MPP7: variants seen among roughly 807,000 people sequenced by gnomAD.
MPP7 encodes the protein MAGUK p55 subfamily member 7.
In MPP7, 60 loss-of-function variants were observed where a neutral mutation model predicts 76.5. The ratio of observed to expected loss-of-function variants is 0.78; its 90% CI spans 0.64 to 0.97. MPP7 has a LOEUF of 0.97. Among genes scored for constraint, MPP7 ranks in the 50% least tolerant of loss-of-function variants. The probability of loss-of-function intolerance (pLI) is 0.00; values close to 1 mark genes in which losing one functional copy is unlikely to be tolerated. For missense variants in MPP7, 641 were observed against 694.0 expected, an observed-to-expected ratio of 0.92 and a Z score of 0.86; for synonymous variants, 237 against 244.5, an observed-to-expected ratio of 0.97 and a Z score of 0.29.
chr10:28,236,870 C>G (rs1041766415), intron 2 of MPP7: 2 of 152,146 alleles, frequency 1.3e-5, no homozygotes, highest in Non-Finnish European at 2.9e-5. Flanking sequence ...TTGCAAACAT[C>G]TGATGCATAC....
At chr10:28,251,195 C>T (rs1428248536) in intron 1 of MPP7, among the ~76,000 whole-genome samples, 4 of 152,066 alleles carry the variant, frequency 2.6e-5, no homozygotes, top group African/African-American at 4.8e-5. Flanking sequence ...TTGGGCACAG[C>T]GGCTCAAGCC....
At chr10:28,098,940 G>C (rs1284057931) in intron 11 of MPP7, among the ~76,000 whole-genome samples, 2 of 151,996 alleles carry the variant, frequency 1.3e-5, no homozygotes, top group Admixed American at 6.6e-5. Flanking sequence ...TTACAGTTTC[G>C]AAACTTACAA....
chr10:28,095,567 C>G (rs1448166883), intron 11 of MPP7, among the ~76,000 whole-genome samples: 6 of 152,116 alleles, frequency 3.9e-5, no homozygotes, highest in African/African-American at 1.4e-4. Flanking sequence ...GAGAGTAATT[C>G]TGTGTCAGAA....
chr10:28,305,805 A>G (rs1841250869), upstream of MPP7: 1 of 152,250 alleles, frequency 6.6e-6, no homozygotes, highest in African/African-American at 2.4e-5. Flanking sequence ...ACAAATGTCT[A>G]ATTAGTAACG....
chr10:28,202,058 G>T, intron 3 of MPP7, 95 bp downstream of exon 3: 1 of 859,902 alleles, frequency 1.2e-6, no homozygotes, highest in South Asian at 1.6e-5. Context: ...TTTGTTTTCA[G>T]AGAGCAACAA....
chr10:28,139,657 T>C (rs917434221), intron 5 of MPP7, among the ~76,000 whole-genome samples: 51 of 152,146 alleles, frequency 3.4e-4, no homozygotes, highest in African/African-American at 1.2e-3. Flanking sequence ...TTCACAATGA[T>C]TAAAGAGATA....
chr10:28,263,187 C>G (rs1840045292), intron 1 of MPP7, among the ~76,000 whole-genome samples: 1 of 152,102 alleles, frequency 6.6e-6, no homozygotes, highest in African/African-American at 2.4e-5. Flanking sequence ...AAAGAAAACC[C>G]AAATTTCTCT....
At chr10:28,266,702 T>C (rs1355230059) in intron 1 of MPP7, among the ~76,000 whole-genome samples, 1 of 152,256 alleles carries the variant, frequency 6.6e-6, no homozygotes, top group African/African-American at 2.4e-5. Flanking sequence ...TTGCTCTTTC[T>C]AAGCTATGGT....
At chr10:28,232,398 T>C (rs1002729808) in intron 2 of MPP7, among the ~76,000 whole-genome samples, 1 of 145,850 alleles carries the variant, frequency 6.9e-6, no homozygotes, top group Non-Finnish European at 1.5e-5. Flanking sequence ...CACAAATTGA[T>C]TGGTAACGTA....
chr10:28,233,339 G>A lies in MPP7; in HGVS notation c.37+5229C>T, dbSNP rs146555171. Among the ~76,000 whole-genome samples the A allele has an allele frequency of 3.6e-3, 550 of 152,238 alleles. 2 individuals are homozygous for A. The highest frequency in any genetic ancestry group is 6.8e-3 in the Middle Eastern group (2 of 294). On this transcript the variant is annotated intron_variant, in intron 2 of 16. Transcript: ENST00000683449. ...ATTACACATTGAAATGTTCATATAC[G>A]TTTATGTGTGTTTACGCATGGGTTA...
chr10:28,277,328 C>T (rs1454926973), intron 1 of MPP7, among the ~76,000 whole-genome samples: 1 of 149,324 alleles, frequency 6.7e-6, no homozygotes, highest in Admixed American at 6.6e-5. Context: ...TTCAGCCACA[C>T]ATAAAGTACA....
Position 28,051,372 on chromosome 10 carries a change from A to C in MPP7, c.*2693T>G, listed in dbSNP as rs932919604. ...ATCATTACACAATACCAGGAAGGTCAGCCTTAAAGATACCAAGAACTTCCA... is the reference window on the plus strand; with the variant it reads ...ATCATTACACAATACCAGGAAGGTCCGCCTTAAAGATACCAAGAACTTCCA... On this transcript the variant is annotated 3_prime_UTR_variant, in exon 17 of 17. Coordinates refer to ENST00000683449, the MANE Select transcript of MPP7 (RefSeq NM_001318170.2). 6.6e-6 allele frequency: 1 copy of C among 152,236 alleles called. No individual in the cohort carries two copies. Among genetic ancestry groups the C allele is most frequent in the Non-Finnish European group, 1.5e-5 (1 of 68,040 alleles). 9.4% of individuals were successfully genotyped at this position (152,236 alleles called of 1,614,324 possible).
At chr10:28,113,920 A>C (rs919412701) in intron 11 of MPP7, among the ~76,000 whole-genome samples, 2 of 152,224 alleles carry the variant, frequency 1.3e-5, no homozygotes, top group African/African-American at 4.8e-5. Context: ...CTACTGACTT[A>C]GCATGACCTC....
chr10:28,129,128 T>C (rs1835112121), intron 6 of MPP7, among the ~76,000 whole-genome samples: 1 of 152,174 alleles, frequency 6.6e-6, no homozygotes, highest in African/African-American at 2.4e-5. Flanking sequence ...AAACCTCTCT[T>C]ACCACAATTG....
chr10:28,137,447 C>T (rs1391403244), intron 5 of MPP7, among the ~76,000 whole-genome samples: 1 of 152,156 alleles, frequency 6.6e-6, no homozygotes, highest in Non-Finnish European at 1.5e-5. Context: ...GCATATCTTG[C>T]ACATAGTAAA....
chr10:28,251,646 G>T (rs962136140), intron 1 of MPP7, among the ~76,000 whole-genome samples: 4 of 152,102 alleles, frequency 2.6e-5, no homozygotes, highest in Non-Finnish European at 5.9e-5. Context: ...TATCTTCATT[G>T]CAGAGTTACT....
intron 2 of MPP7, among the ~76,000 whole-genome samples, chr10:28,215,197 G>C (rs1377207889): frequency 2.0e-5 from 3 of 152,072 alleles, no homozygotes; most frequent in Non-Finnish European, 4.4e-5. Context: ...AGATTGATTT[G>C]AATAATAATA....
At chr10:28,086,181 T>A (rs56248031) in intron 12 of MPP7, among the ~76,000 whole-genome samples, 2 of 152,150 alleles carry the variant, frequency 1.3e-5, no homozygotes, top group South Asian at 4.1e-4. Context: ...AAATACCTAA[T>A]ACATGCAGGG....
intron 1 of MPP7, among the ~76,000 whole-genome samples, chr10:28,297,302 A>C (rs377161369): frequency 6.6e-6 from 1 of 152,300 alleles, no homozygotes; most frequent in South Asian, 2.1e-4. Context: ...AGGGAGTCAT[A>C]ATCTTTTTGC....
Sources: gnomAD v4.1 joint callset for allele counts (sites outside exome capture counted in the v4.1 genomes callset) on GRCh38, gnomAD v4.1.1 for gene constraint, MANE v1.5 for transcripts, NCBI Gene and HGNC (gene_info 2026-07-23, HGNC 2026-07-21) for gene names.